SLIT2: variants seen among roughly 807,000 people sequenced by gnomAD.
SLIT2 encodes slit guidance ligand 2.
Under a neutral mutation model 185.7 loss-of-function variants are expected in SLIT2, and 41 were observed. The observed-to-expected ratio is 0.22, with a 90% CI of 0.17 to 0.29. The LOEUF (loss-of-function observed/expected upper bound fraction) is 0.29. SLIT2 is among the 10% of genes least tolerant of loss of function. SLIT2 has a pLI of 1.00. For missense variants in SLIT2, 1,571 were observed against 1,909.0 expected (o/e 0.82, Z 3.30); for synonymous variants, 693 against 680.2 (o/e 1.02, Z -0.29).
intron 4 of SLIT2, among the ~76,000 whole-genome samples, chr4:20,460,747 G>A (rs1473788861): frequency 1.3e-5 from 2 of 152,056 alleles, no homozygotes; most frequent in East Asian, 3.9e-4. Context: ...GAACCTGGAG[G>A]ACATCATGTT....
At chr4:20,579,412 G>T (rs772826419) in intron 29 of SLIT2, among the ~76,000 whole-genome samples, 1 of 151,788 alleles carries the variant, frequency 6.6e-6, no homozygotes, top group Non-Finnish European at 1.5e-5. Flanking sequence ...AATGTATTTC[G>T]GAACTGTATA....
At chr4:20,515,425 TTAC>T (rs1720110127) in intron 11 of SLIT2, among the ~76,000 whole-genome samples, 1 of 152,176 alleles carries the variant, frequency 6.6e-6, no homozygotes, top group Non-Finnish European at 1.5e-5. Flanking sequence ...TTTAATTCAC[TTAC>T]TCTAATTTCC....
At chr4:20,288,515 G>A (rs1260128529) in intron 4 of SLIT2, among the ~76,000 whole-genome samples, 1 of 152,180 alleles carries the variant, frequency 6.6e-6, no homozygotes, top group Non-Finnish European at 1.5e-5. Flanking sequence ...TCTATACCCA[G>A]GATAATTTTT....
At chr4:20,401,503 G>A (rs1726358353) in intron 4 of SLIT2, among the ~76,000 whole-genome samples, 1 of 151,732 alleles carries the variant, frequency 6.6e-6, no homozygotes, top group Admixed American at 6.6e-5. Flanking sequence ...GGGCTCTTCA[G>A]ACACAAAACA....
At chr4:20,559,447 T>G (rs1420824851) in intron 26 of SLIT2, among the ~76,000 whole-genome samples, 2 of 151,918 alleles carry the variant, frequency 1.3e-5, no homozygotes, top group Non-Finnish European at 2.9e-5. Flanking sequence ...TTGCCAGCAT[T>G]TGTCTCAGCA....
At chr4:20,421,927 A>G (rs1455059621) in intron 4 of SLIT2, among the ~76,000 whole-genome samples, 2 of 152,154 alleles carry the variant, frequency 1.3e-5, no homozygotes, top group East Asian at 3.9e-4. Flanking sequence ...AAGTCAGCCT[A>G]TGCTTATTAG....
At chr4:20,313,699 G>A (rs1046109450) in intron 4 of SLIT2, among the ~76,000 whole-genome samples, 9 of 152,128 alleles carry the variant, frequency 5.9e-5, no homozygotes, top group Admixed American at 3.9e-4. Flanking sequence ...ATTGTTTTGG[G>A]ATGAAACTGT....
intron 4 of SLIT2, among the ~76,000 whole-genome samples, chr4:20,365,285 A>C (rs2109303500): frequency 6.6e-6 from 1 of 152,256 alleles, no homozygotes; most frequent in East Asian, 1.9e-4. Flanking sequence ...TGTTGATATA[A>C]GAAAAAGTCC....
intron 4 of SLIT2, among the ~76,000 whole-genome samples, chr4:20,366,043 G>A (rs1181925379): frequency 6.6e-6 from 1 of 152,038 alleles, no homozygotes; most frequent in East Asian, 1.9e-4. Flanking sequence ...CACTTAACAT[G>A]GAAGTCCAGG....
intron 16 of SLIT2, among the ~76,000 whole-genome samples, chr4:20,531,469 C>A (rs528726261): frequency 3.9e-5 from 6 of 152,232 alleles, no homozygotes; most frequent in African/African-American, 1.4e-4. Flanking sequence ...TGTGGGGGAA[C>A]AGCCACCAGG....
chr4:20,321,175 G>A (rs1719047365), intron 4 of SLIT2, among the ~76,000 whole-genome samples: 1 of 152,080 alleles, frequency 6.6e-6, no homozygotes, highest in African/African-American at 2.4e-5. Context: ...AAATTTACCA[G>A]CTCTCCTCCA....
At chr4:20,441,539 C>T (rs920505697) in intron 4 of SLIT2, among the ~76,000 whole-genome samples, 5 of 149,818 alleles carry the variant, frequency 3.3e-5, no homozygotes, top group Non-Finnish European at 7.4e-5. Flanking sequence ...CTCTCTCTCT[C>T]TCTCTCTCTG....
intron 4 of SLIT2, among the ~76,000 whole-genome samples, chr4:20,415,399 A>G (rs1727576762): frequency 2.4e-5 from 3 of 126,544 alleles, no homozygotes; most frequent in African/African-American, 9.4e-5. Flanking sequence ...TGACAGAGGG[A>G]GACTCCGTCT....
intron 30 of SLIT2, among the ~76,000 whole-genome samples, chr4:20,594,231 A>G (rs917273515): frequency 1.3e-5 from 2 of 149,962 alleles, no homozygotes; most frequent in African/African-American, 2.4e-5. Flanking sequence ...ATATGTATGT[A>G]CATGTGTATA....
At position 20,378,427 on chromosome 4, in the gene SLIT2, C is replaced by T. The variant is rs555231057; in HGVS notation, c.396-89325C>T. Among the ~76,000 whole-genome samples the T allele has an allele frequency of 5.7e-4, 87 of 152,118 alleles. No individual in the cohort carries two copies. The South Asian group carries it at 0.015, about 25-fold the overall frequency. On this transcript the variant is annotated intron_variant, in intron 4 of 36. Coordinates refer to ENST00000504154, the MANE Select transcript of SLIT2 (RefSeq NM_004787.4). ...ACTATTTATCCTTTTGATACACAAA[C>T]AAGGGCTTATTTTATATGTAGATGC...
chr4:20,490,574 G>A (rs899663083), intron 8 of SLIT2, among the ~76,000 whole-genome samples: 10 of 152,078 alleles, frequency 6.6e-5, no homozygotes, highest in African/African-American at 2.4e-4. Context: ...GATTTTTAAA[G>A]GCAGGGTAGG....
rs1456088294 is a variant in SLIT2, at chr4:20,548,983, CTGCT to C, written c.2418-72_2418-69del. ...AATAAGATGCTTTAATAAGCCTTAA[CTGCT>C]TTATTTTTGGAAGTATTTGGCCATT... On this transcript the variant is annotated intron_variant, in intron 23 of 36. Transcript: ENST00000504154. 4 of 822,502 alleles carry C rather than the reference CTGCT, an allele frequency of 4.9e-6. No homozygotes were observed. The East Asian group carries it at 9.8e-5, about 20-fold the overall frequency. The allele number at this position is 822,502 out of a possible 1,614,324, so 51.0% of individuals were successfully genotyped here.
intron 4 of SLIT2, among the ~76,000 whole-genome samples, chr4:20,272,012 T>G (rs1713669583): frequency 6.6e-6 from 1 of 152,106 alleles, no homozygotes; most frequent in Non-Finnish European, 1.5e-5. Context: ...CCAATTTCTC[T>G]TTGGACGGGT....
intron 4 of SLIT2, among the ~76,000 whole-genome samples, chr4:20,291,513 T>A (rs867626000): frequency 4.7e-3 from 548 of 117,822 alleles, no homozygotes; most frequent in South Asian, 8.9e-3. Flanking sequence ...TTTTTTTTTT[T>A]TTTTTTTTTT....
Sources: gnomAD v4.1 joint callset for allele counts (sites outside exome capture counted in the v4.1 genomes callset) on GRCh38, gnomAD v4.1.1 for gene constraint, MANE v1.5 for transcripts, NCBI Gene and HGNC (gene_info 2026-07-23, HGNC 2026-07-21) for gene names.